The following SCIMP variants were observed in gnomAD, a reference collection of about 807,000 sequenced individuals.
The protein encoded by SCIMP is SLP adapter and CSK-interacting membrane protein.
Under a neutral mutation model 22.0 loss-of-function variants are expected in SCIMP, and 18 were observed. The observed-to-expected ratio is 0.82, with a 90% CI of 0.56 to 1.21. The LOEUF (loss-of-function observed/expected upper bound fraction) is 1.21. Among genes scored for constraint, SCIMP ranks in the 50% most tolerant of loss-of-function variants. SCIMP has a pLI of 0.00. For missense variants in SCIMP, 155 were observed against 171.2 expected (o/e 0.91, Z 0.53); for synonymous variants, 53 against 62.2 (o/e 0.85, Z 0.70).
chr17:5,224,196 G>A (rs922441298), intron 1 of SCIMP, among the ~76,000 whole-genome samples: 3 of 152,096 alleles, frequency 2.0e-5, no homozygotes, highest in Admixed American at 6.6e-5. Flanking sequence ...GTGCAGTGGC[G>A]CGATCTGGGC....
intron 2 of SCIMP, among the ~76,000 whole-genome samples, chr17:5,222,135 A>C (rs1344157515): frequency 7.0e-6 from 1 of 141,906 alleles, no homozygotes; most frequent in African/African-American, 2.6e-5. Context: ...TGTCGCCCAG[A>C]CTGGAGGGCA....
chr17:5,220,715 G>C (rs755520845), intron 3 of SCIMP, among the ~76,000 whole-genome samples: 116 of 151,726 alleles, frequency 7.6e-4, no homozygotes, highest in Admixed American at 1.5e-3. Context: ...CTGCATTCCA[G>C]CCTGGGTGAC....
chr17:5,234,859 G>A lies in SCIMP; in HGVS notation c.-104C>T, dbSNP rs1206309722. On this transcript the variant is annotated 5_prime_UTR_variant, in exon 1 of 5. Transcript: ENST00000574081. ...AGGCCTTCACCCACTGCTAGAGACA[G>A]TGAGCCCCATCCTGACCACTTCCCC... The A allele has an allele frequency of 6.5e-7, 1 of 1,548,100 alleles. No individual in the cohort carries two copies. The highest frequency in any genetic ancestry group is 8.7e-7 in the Non-Finnish European group (1 of 1,147,444).
At chr17:5,217,398 G>GTGTT (rs1470069346) in intron 3 of SCIMP, among the ~76,000 whole-genome samples, 1 of 151,774 alleles carries the variant, frequency 6.6e-6, no homozygotes, top group Non-Finnish European at 1.5e-5. Flanking sequence ...GTGTGTGTGT[G>GTGTT]TGTGTGTGTG....
chr17:5,234,678 C>G (rs1264623124), intron 1 of SCIMP, 57 bp downstream of exon 1: 2 of 1,585,990 alleles, frequency 1.3e-6, no homozygotes, highest in Non-Finnish European at 1.7e-6. Context: ...CCAGCGCTGG[C>G]AGATGTCTGC....
intron 3 of SCIMP, 166 bp downstream of exon 3, chr17:5,221,121 C>A: frequency 1.4e-6 from 1 of 710,660 alleles, no homozygotes; most frequent in Non-Finnish European, 2.6e-6. Context: ...CGACAATGTC[C>A]TGAGTCTCTG....
At chr17:5,228,587 T>C (rs531829006) in intron 1 of SCIMP, among the ~76,000 whole-genome samples, 1 of 150,272 alleles carries the variant, frequency 6.7e-6, no homozygotes, top group Non-Finnish European at 1.5e-5. Context: ...CGAGGCTACA[T>C]TGGGCCATGA....
intron 1 of SCIMP, among the ~76,000 whole-genome samples, chr17:5,225,763 A>G (rs528453008): frequency 1.5e-4 from 15 of 97,240 alleles, no homozygotes; most frequent in Admixed American, 8.7e-4. Flanking sequence ...ATTCCATCTG[A>G]AAAAAAAAAA....
At chr17:5,233,827 G>A (rs1288929071) in intron 1 of SCIMP, 1 of 151,376 alleles carries the variant, frequency 6.6e-6, no homozygotes, top group Admixed American at 6.6e-5. Context: ...TTTCCAGAGG[G>A]CAAAAGCAGA....
intron 1 of SCIMP, among the ~76,000 whole-genome samples, chr17:5,227,824 C>T (rs999413221): frequency 1.3e-5 from 2 of 151,988 alleles, no homozygotes; most frequent in Admixed American, 6.6e-5. Flanking sequence ...CCTTGCCTAC[C>T]GCATCCCAAG....
chr17:5,232,004 C>G (rs375115737), intron 1 of SCIMP, among the ~76,000 whole-genome samples: 1 of 151,874 alleles, frequency 6.6e-6, no homozygotes, highest in African/African-American at 2.4e-5. Flanking sequence ...TGCAGTGAGC[C>G]GAGATTGCGC....
chr17:5,233,774 G>A (rs1425848306), intron 1 of SCIMP: 2 of 152,290 alleles, frequency 1.3e-5, no homozygotes, highest in Non-Finnish European at 2.9e-5. Context: ...GGCAGTGGGA[G>A]TGGATATGGC....
At chr17:5,221,264 C>T (rs369901318) in intron 3 of SCIMP, 23 bp downstream of exon 3, 20 of 1,581,010 alleles carry the variant, frequency 1.3e-5, no homozygotes, top group African/African-American at 9.4e-5. Flanking sequence ...CAGTAAAAAG[C>T]GGAAGGATTC....
At chr17:5,229,843 C>G (rs2074680393) in intron 1 of SCIMP, among the ~76,000 whole-genome samples, 1 of 137,966 alleles carries the variant, frequency 7.2e-6, no homozygotes, top group African/African-American at 2.6e-5. Context: ...TCCCCCATCT[C>G]CTTTCTCCCC....
rs185648903 is a variant in SCIMP, at chr17:5,217,486, T to C, written c.210-2488A>G. Reference sequence around the variant, plus strand: ...TGCAGGTTTGTTACATGTGTATACGTGTGCCATGTTGATGTGCTGCACCCA... The same window carrying C: ...TGCAGGTTTGTTACATGTGTATACGCGTGCCATGTTGATGTGCTGCACCCA... On this transcript the variant is annotated intron_variant, in intron 3 of 4. Transcript: ENST00000574081. Among the ~76,000 whole-genome samples, 154 of 152,066 alleles carry C rather than the reference T, an allele frequency of 1.0e-3. 1 individual carries two copies. Among genetic ancestry groups the C allele is most frequent in the Admixed American group, 6.2e-3 (94 of 15,250 alleles).
At chr17:5,228,228 C>G (rs931294404) in intron 1 of SCIMP, among the ~76,000 whole-genome samples, 30 of 151,526 alleles carry the variant, frequency 2.0e-4, no homozygotes, top group Non-Finnish European at 3.8e-4. Context: ...CGCCTGTGGC[C>G]CCAGCTACAT....
At chr17:5,216,061 G>A (rs2074563515) in intron 3 of SCIMP, among the ~76,000 whole-genome samples, 1 of 151,968 alleles carries the variant, frequency 6.6e-6, no homozygotes, top group South Asian at 2.1e-4. Context: ...TAATTAGCAG[G>A]TTGTGGTGGC....
intron 1 of SCIMP, among the ~76,000 whole-genome samples, chr17:5,229,833 T>G (rs61182333): frequency 7.4e-6 from 1 of 135,778 alleles, no homozygotes; most frequent in African/African-American, 2.8e-5. Context: ...CCCCTCCCCT[T>G]CCCCCATCTC....
At chr17:5,232,449 T>TAAACAGTGCAGTGTAA (rs2074709904) in intron 1 of SCIMP, among the ~76,000 whole-genome samples, 3 of 76,186 alleles carry the variant, frequency 3.9e-5, no homozygotes, top group African/African-American at 2.4e-4. Flanking sequence ...TAAACAGTTT[T>TAAACAGTGCAGTGTAA]ACCCACAGAG....
Sources: allele counts gnomAD v4.1 joint callset (sites outside exome capture counted in the v4.1 genomes callset), GRCh38; gene constraint gnomAD v4.1.1; transcripts MANE v1.5; gene names NCBI Gene and HGNC (gene_info 2026-07-23, HGNC 2026-07-21).